Variants in IL1RAPL1 observed in about 807,000 individuals in gnomAD.
IL1RAPL1 encodes interleukin 1 receptor accessory protein like 1.
IL1RAPL1 carries 3 observed loss-of-function variants against 48.4 expected under a neutral mutation model. That is an observed-to-expected ratio of 0.06 (90% CI 0.03 to 0.16). The LOEUF (loss-of-function observed/expected upper bound fraction) is 0.16. Ranked by LOEUF, IL1RAPL1 falls within the 10% of genes least tolerant of loss-of-function variation. IL1RAPL1 has a pLI of 1.00. For synonymous variants in IL1RAPL1, 185 were observed against 187.7 expected (o/e 0.99, Z 0.12); for missense variants, 349 against 530.6 (o/e 0.66, Z 3.36).
intron 5 of IL1RAPL1, among the ~76,000 whole-genome samples, chrX:29,507,540 G>A (rs1935349654): frequency 1.0e-5 from 1 of 95,810 alleles, no homozygotes; most frequent in Admixed American, 1.2e-4. Flanking sequence ...AAGTATCAGG[G>A]ACTAAAATCG....
At chrX:29,037,347 C>T (rs2147414012) in intron 2 of IL1RAPL1, among the ~76,000 whole-genome samples, 1 of 111,874 alleles carries the variant, frequency 8.9e-6, no homozygotes, top group African/African-American at 3.2e-5. Context: ...ACACTTCATA[C>T]ATTTTTGATA....
chrX:29,750,126 T>C (rs1429403246), intron 6 of IL1RAPL1, among the ~76,000 whole-genome samples: 1 of 112,282 alleles, frequency 8.9e-6, no homozygotes, highest in Non-Finnish European at 1.9e-5. Flanking sequence ...CCTTTATGTG[T>C]CACTTTCCCT....
At chrX:29,228,162 C>T (rs1347449904) in intron 2 of IL1RAPL1, among the ~76,000 whole-genome samples, 2 of 93,295 alleles carry the variant, frequency 2.1e-5, no homozygotes, top group Admixed American at 2.4e-4. Flanking sequence ...TTATAACCAT[C>T]TCCGGACACA....
intron 3 of IL1RAPL1, among the ~76,000 whole-genome samples, chrX:29,334,721 G>A (rs796119259): frequency 4.7e-3 from 531 of 111,888 alleles, no homozygotes; most frequent in African/African-American, 0.016. Flanking sequence ...GACGATGGGC[G>A]GCCGGGCAGA....
intron 5 of IL1RAPL1, among the ~76,000 whole-genome samples, chrX:29,418,121 ATATATT>A (rs1411338286): frequency 2.5e-5 from 1 of 40,289 alleles, no homozygotes; most frequent in African/African-American, 1.3e-4. Context: ...ATATATATAT[ATATATT>A]TTTTTTTTTT....
intron 6 of IL1RAPL1, among the ~76,000 whole-genome samples, chrX:29,723,102 G>A (rs900705392): frequency 1.8e-5 from 2 of 111,889 alleles, no homozygotes; most frequent in East Asian, 2.8e-4. Flanking sequence ...TTATCAGACC[G>A]GATAGAATGA....
intron 9 of IL1RAPL1, among the ~76,000 whole-genome samples, chrX:29,944,244 A>G (rs147154070): frequency 0.025 from 2,775 of 111,274 alleles, 79 homozygotes; most frequent in African/African-American, 0.086. Context: ...GATTGTTCAA[A>G]TGGTTTTATG....
At chrX:28,858,505 A>C in intron 2 of IL1RAPL1, among the ~76,000 whole-genome samples, 1 of 112,307 alleles carries the variant, frequency 8.9e-6, no homozygotes, top group East Asian at 2.8e-4. Context: ...AGCAGCCACC[A>C]ACATTGAGGC....
At chrX:29,206,457 G>A (rs191062073) in intron 2 of IL1RAPL1, among the ~76,000 whole-genome samples, 1 of 111,276 alleles carries the variant, frequency 9.0e-6, no homozygotes, top group East Asian at 2.8e-4. Flanking sequence ...TGAACACAGA[G>A]TTTAGGAAGA....
intron 5 of IL1RAPL1, among the ~76,000 whole-genome samples, chrX:29,422,325 C>T (rs952825675): frequency 9.0e-6 from 1 of 110,659 alleles, no homozygotes; most frequent in Admixed American, 9.7e-5. Context: ...GAGTCATTTG[C>T]GGGCGGGGAG....
At chrX:29,433,931 T>C (rs1372870046) in intron 5 of IL1RAPL1, among the ~76,000 whole-genome samples, 1 of 110,216 alleles carries the variant, frequency 9.1e-6, no homozygotes, top group East Asian at 2.8e-4. Context: ...TTGGGAACTG[T>C]ATAGGGCTCT....
intron 6 of IL1RAPL1, among the ~76,000 whole-genome samples, chrX:29,787,986 A>G (rs774560512): frequency 6.2e-5 from 7 of 112,059 alleles, no homozygotes; most frequent in Non-Finnish European, 1.1e-4. Flanking sequence ...CCCCATTTAA[A>G]ACAGATATTT....
chrX:29,078,144 C>T (rs1057331883), intron 2 of IL1RAPL1, among the ~76,000 whole-genome samples: 17 of 111,207 alleles, frequency 1.5e-4, no homozygotes, highest in African/African-American at 4.2e-4. Flanking sequence ...TGGTAGCGCA[C>T]GCCTGTAATC....
intron 5 of IL1RAPL1, among the ~76,000 whole-genome samples, chrX:29,575,129 C>T (rs751198270): frequency 3.6e-5 from 4 of 111,992 alleles, no homozygotes; most frequent in Admixed American, 9.5e-5. Context: ...TAACCAGTCC[C>T]GAAGCTGCTT....
intron 1 of IL1RAPL1, among the ~76,000 whole-genome samples, chrX:28,683,849 C>A (rs1049398690): frequency 2.7e-5 from 3 of 112,272 alleles, no homozygotes; most frequent in African/African-American, 9.7e-5. Flanking sequence ...TCTGACCTCT[C>A]CGTTCATCAT....
rs1601899769 is a variant in IL1RAPL1, at chrX:29,955,032, G to T, written c.1373-70G>T. 22 of 862,581 alleles carry T rather than the reference G, an allele frequency of 2.6e-5. No homozygotes were observed. The East Asian group carries it at 6.8e-4, about 27-fold the overall frequency. 71.1% of individuals were successfully genotyped at this position (862,581 alleles called of 1,213,427 possible). A position where few individuals can be genotyped will look rare whatever the true frequency, so the allele number is the denominator to read the frequency against. ...CTAGTTTCATTTAATTTCTGAAAGA[G>T]AATCTACTAGGACTTTCTGGACCAA... On this transcript the variant is annotated intron_variant, in intron 10 of 10. Coordinates refer to ENST00000378993, the MANE Select transcript of IL1RAPL1 (RefSeq NM_014271.4).
chrX:28,906,769 CTA>C (rs1231069423), intron 2 of IL1RAPL1, among the ~76,000 whole-genome samples: 1 of 110,926 alleles, frequency 9.0e-6, no homozygotes, highest in Non-Finnish European at 1.9e-5. Flanking sequence ...TCTTGAGTAT[CTA>C]TTATGTATCA....
chrX:28,812,505 T>C (rs921446465), intron 2 of IL1RAPL1, among the ~76,000 whole-genome samples: 1 of 110,911 alleles, frequency 9.0e-6, no homozygotes, highest in Non-Finnish European at 1.9e-5. Flanking sequence ...AAACTTAAAG[T>C]TGTTAAAATG....
chrX:29,740,704 C>T (rs1234172942), intron 6 of IL1RAPL1, among the ~76,000 whole-genome samples: 3 of 112,018 alleles, frequency 2.7e-5, no homozygotes, highest in Non-Finnish European at 3.8e-5. Flanking sequence ...TTCCAGTCTA[C>T]TCCAAGGTCG....
Sources: gnomAD v4.1 joint callset for allele counts (sites outside exome capture counted in the v4.1 genomes callset) on GRCh38, gnomAD v4.1.1 for gene constraint, MANE v1.5 for transcripts, NCBI Gene and HGNC (gene_info 2026-07-23, HGNC 2026-07-21) for gene names.